The following MAPKAP1 variants were observed in gnomAD, a reference collection of about 807,000 sequenced individuals.
MAPKAP1 encodes MAPK associated protein 1.
Under a neutral mutation model 65.7 loss-of-function variants are expected in MAPKAP1, and 20 were observed. The ratio of observed to expected loss-of-function variants is 0.30; its 90% CI spans 0.21 to 0.44. The LOEUF (loss-of-function observed/expected upper bound fraction) is 0.44. MAPKAP1 is among the 20% of genes least tolerant of loss of function. The pLI is 1.00. For missense variants in MAPKAP1, 423 were observed against 648.0 expected (o/e 0.65, Z 3.77); for synonymous variants, 222 against 244.3 (o/e 0.91, Z 0.85).
intron 6 of MAPKAP1, among the ~76,000 whole-genome samples, chr9:125,548,423 A>G (rs1456943055): frequency 6.6e-6 from 1 of 152,220 alleles, no homozygotes; most frequent in South Asian, 2.1e-4. Flanking sequence ...AACATCATTT[A>G]GCTCTAAACC....
chr9:125,626,835 A>C (rs1242686029), intron 4 of MAPKAP1, among the ~76,000 whole-genome samples: 2 of 152,234 alleles, frequency 1.3e-5, no homozygotes, highest in Non-Finnish European at 2.9e-5. Flanking sequence ...CATGTCCAAA[A>C]TACTTAACAA....
At position 125,467,989 on chromosome 9, in the gene MAPKAP1, G is replaced by C; in HGVS notation, c.1328C>G (p.Ala443Gly). The part of the protein sequence containing the change: ...DSDLLCACDL[A>G]EEKSPSHAIF... The stretch of plus-strand genomic sequence containing the variant: ...CTACTCACTGGGGCTTTTCTCTTCA[G>C]CAAGGTCACAGGCACAGAGCAGGTC... Residue 443 changes from alanine to glycine, a missense_variant, in exon 10 of 12, where the codon GCT (alanine) becomes GGT (glycine). Around this residue, in one of 6 missense-constraint regions of MAPKAP1, gnomAD observed 185 missense variants for 268.1 expected, o/e 0.69. Coordinates refer to ENST00000265960, the MANE Select transcript of MAPKAP1 (RefSeq NM_001006617.3). 1.2e-6 allele frequency: 2 copies of C among 1,614,176 alleles called. No individual in the cohort carries two copies. Among genetic ancestry groups the C allele is most frequent in the Non-Finnish European group, 1.7e-6 (2 of 1,180,024 alleles).
In MAPKAP1 at chr9:125,665,485, CCT is replaced by C. The variant is rs148985256; in HGVS notation, c.349+4331_349+4332del. Among the ~76,000 whole-genome samples, 448 of 152,174 alleles carry C rather than the reference CCT, an allele frequency of 2.9e-3. 16 individuals carry two copies. The East Asian group carries it at 0.075, about 25-fold the overall frequency. On this transcript the variant is annotated intron_variant, in intron 3 of 11. Coordinates refer to ENST00000265960, the MANE Select transcript of MAPKAP1 (RefSeq NM_001006617.3). ...AGAATGTACTTTGTGAGAACCACCC[CCT>C]GACCCCAAAACATTGCTCTTAACTC...
At chr9:125,661,429 G>T (rs116418085) in intron 3 of MAPKAP1, among the ~76,000 whole-genome samples, 1 of 152,080 alleles carries the variant, frequency 6.6e-6, no homozygotes, top group African/African-American at 2.4e-5. Flanking sequence ...ATCCCTCACC[G>T]GGGCATGGGT....
chr9:125,448,933 AGGCG>A (rs2132938625), intron 10 of MAPKAP1, among the ~76,000 whole-genome samples: 1 of 144,726 alleles, frequency 6.9e-6, no homozygotes, highest in South Asian at 2.2e-4. Context: ...TGAACCCAGG[AGGCG>A]GAGGTTGCAG....
In MAPKAP1 at chr9:125,493,429, T is replaced by C. The variant is rs74382921; in HGVS notation, c.1067-8846A>G. 5.4e-4 allele frequency among the ~76,000 whole-genome samples: 82 copies of C among 150,952 alleles called. 2 individuals are homozygous for C. The East Asian group carries it at 0.016, about 29-fold the overall frequency. ...GGTAAGTATCTTACATGGTAAGTAT[T>C]TGCACTCCCCTCCAGACAAGGAGCC... On this transcript the variant is annotated intron_variant, in intron 8 of 11. Coordinates refer to ENST00000265960, the MANE Select transcript of MAPKAP1 (RefSeq NM_001006617.3).
chr9:125,456,064 T>G (rs556359416), intron 10 of MAPKAP1, among the ~76,000 whole-genome samples: 1 of 152,374 alleles, frequency 6.6e-6, no homozygotes, highest in African/African-American at 2.4e-5. Flanking sequence ...TTTAGAGGCA[T>G]CATTCCATTG....
chr9:125,539,085 C>T (rs1469486829), intron 7 of MAPKAP1, among the ~76,000 whole-genome samples: 1 of 152,136 alleles, frequency 6.6e-6, no homozygotes, highest in Admixed American at 6.6e-5. Flanking sequence ...AGTAAATTAG[C>T]AAGCAATAAG....
chr9:125,445,386 G>A (rs1272719778), intron 10 of MAPKAP1, among the ~76,000 whole-genome samples: 1 of 152,182 alleles, frequency 6.6e-6, no homozygotes. Flanking sequence ...CTCTACACAG[G>A]TTCTTCCCCA....
intron 1 of MAPKAP1, 94 bp from the exon 2 acceptor site, chr9:125,672,737 T>C (rs117305059): frequency 0.024 from 17,537 of 742,188 alleles, 555 homozygotes; most frequent in Non-Finnish European, 0.022. Flanking sequence ...AAATGCCACC[T>C]TGAAAATCAA....
At chr9:125,458,706 T>C (rs995542419) in intron 10 of MAPKAP1, among the ~76,000 whole-genome samples, 2 of 149,486 alleles carry the variant, frequency 1.3e-5, no homozygotes, top group Non-Finnish European at 3.0e-5. Flanking sequence ...ATCGTCATCC[T>C]GGCCTGTTCT....
chr9:125,692,678 G>A (rs1371520040), intron 1 of MAPKAP1, among the ~76,000 whole-genome samples: 2 of 152,068 alleles, frequency 1.3e-5, no homozygotes, highest in Non-Finnish European at 2.9e-5. Context: ...AAAAAAGAAA[G>A]GGGATAGAAA....
intron 4 of MAPKAP1, among the ~76,000 whole-genome samples, chr9:125,649,947 T>C (rs1833846633): frequency 6.6e-6 from 1 of 152,174 alleles, no homozygotes; most frequent in Non-Finnish European, 1.5e-5. Context: ...GCCTCGTTCT[T>C]TGAGGGAGAA....
intron 1 of MAPKAP1, among the ~76,000 whole-genome samples, chr9:125,680,805 A>T (rs1167017099): frequency 6.6e-6 from 1 of 152,224 alleles, no homozygotes; most frequent in African/African-American, 2.4e-5. Flanking sequence ...GGGAACAATA[A>T]CATAAAGCAA....
At chr9:125,560,192 T>C (rs1274749690) in intron 5 of MAPKAP1, among the ~76,000 whole-genome samples, 1 of 151,914 alleles carries the variant, frequency 6.6e-6, no homozygotes, top group Non-Finnish European at 1.5e-5. Flanking sequence ...ATGTAAAAAA[T>C]ATATATATAA....
intron 4 of MAPKAP1, among the ~76,000 whole-genome samples, chr9:125,586,982 T>A (rs1335308155): frequency 6.6e-6 from 1 of 152,254 alleles, no homozygotes; most frequent in Non-Finnish European, 1.5e-5. Flanking sequence ...CTAATGTCTC[T>A]ACTTCAAAAA....
At chr9:125,495,450 A>C (rs1854909948) in intron 8 of MAPKAP1, among the ~76,000 whole-genome samples, 1 of 152,186 alleles carries the variant, frequency 6.6e-6, no homozygotes, top group Non-Finnish European at 1.5e-5. Context: ...TACTGCTCTA[A>C]TGTACCAGTG....
chr9:125,575,594 A>G (rs893545263), intron 5 of MAPKAP1, among the ~76,000 whole-genome samples: 7 of 152,244 alleles, frequency 4.6e-5, no homozygotes, highest in Non-Finnish European at 1.0e-4. Context: ...GGTAACAAAT[A>G]AGCATATGAA....
intron 4 of MAPKAP1, among the ~76,000 whole-genome samples, chr9:125,612,390 G>C (rs1008679878): frequency 6.6e-6 from 1 of 152,058 alleles, no homozygotes; most frequent in African/African-American, 2.4e-5. Context: ...CACAGCTTCT[G>C]TACAAATTCT....
Sources: allele counts gnomAD v4.1 joint callset (sites outside exome capture counted in the v4.1 genomes callset), GRCh38; gene constraint gnomAD v4.1.1; regional missense constraint gnomAD v4.1.1; transcripts MANE v1.5; gene names NCBI Gene and HGNC (gene_info 2026-07-23, HGNC 2026-07-21).